ATP13A3: variants seen among roughly 807,000 people sequenced by gnomAD.
ATP13A3 encodes the protein ATPase 13A3, also known as polyamine-transporting ATPase 13A3.
A neutral mutation model predicts 158.1 loss-of-function variants in ATP13A3; 59 were observed. The observed-to-expected ratio is 0.37, with a 90% CI of 0.30 to 0.46. The LOEUF (loss-of-function observed/expected upper bound fraction) is 0.46. ATP13A3 is among the 20% of genes least tolerant of loss of function. ATP13A3 has a pLI of 1.00. For synonymous variants in ATP13A3, 491 were observed against 504.3 expected (o/e 0.97, Z 0.35); for missense variants, 1,166 against 1,525.2 (o/e 0.76, Z 3.92).
chr3:194,438,943 T>C lies in ATP13A3; in HGVS notation c.1740A>G (p.Thr580=). The part of the protein sequence containing the change: ...WILEEATEEE[T]ALHNRIMPTV... Reference sequence around the variant, plus strand: ...TGGGCATAATTCGATTATGAAGTGCTGTTTCTTCTTCAGTTGCTTCTTCCA... The same window carrying C: ...TGGGCATAATTCGATTATGAAGTGCCGTTTCTTCTTCAGTTGCTTCTTCCA... Residue 580 remains threonine (T), a synonymous_variant, in exon 17 of 34, where the codon ACA becomes ACG. Transcript: ENST00000645319. 6.2e-7 allele frequency: 1 copy of C among 1,600,374 alleles called. No homozygotes were observed. The highest frequency in any genetic ancestry group is 1.1e-5 in the South Asian group (1 of 87,372).
At chr3:194,432,376 G>C (rs1052026699) in intron 21 of ATP13A3, among the ~76,000 whole-genome samples, 5 of 152,194 alleles carry the variant, frequency 3.3e-5, no homozygotes, top group African/African-American at 7.2e-5. Flanking sequence ...AGAAACAAGA[G>C]AGACAACTTC....
intron 20 of ATP13A3, 41 bp from the exon 21 acceptor site, chr3:194,433,937 T>C (rs1229071804): frequency 2.5e-6 from 4 of 1,584,610 alleles, no homozygotes; most frequent in Non-Finnish European, 1.7e-6. Flanking sequence ...GTTTAGTCAA[T>C]TGAGTAAGCA....
chr3:194,454,276 T>C lies in ATP13A3; in HGVS notation c.747A>G (p.Ser249=). 1.2e-6 allele frequency: 2 copies of C among 1,605,198 alleles called. No homozygotes were observed. Among genetic ancestry groups the C allele is most frequent in the Non-Finnish European group, 1.7e-6 (2 of 1,174,262 alleles). The part of the protein sequence containing the change: ...VVMSIVSIVS[S]LYSIRKQYVM... The stretch of plus-strand genomic sequence containing the variant: ...AACTTACCTTTCTAATGGAATATAG[T>C]GAGCTTACGATTGATACTATGGACA... Residue 249 remains serine, a synonymous_variant, in exon 9 of 34, where the codon TCA becomes TCG. Transcript: ENST00000645319.
At chr3:194,483,589 C>CA (rs5855582) in intron 2 of ATP13A3, among the ~76,000 whole-genome samples, 56,220 of 151,486 alleles carry the variant, frequency 0.37, 14,395 homozygotes, top group African/African-American at 0.74. Flanking sequence ...GACCCTATCT[C>CA]AAAAAAACTC....
chr3:194,459,582 T>A, intron 5 of ATP13A3, 41 bp from the exon 6 acceptor site: 1 of 1,483,856 alleles, frequency 6.7e-7, no homozygotes, highest in Non-Finnish European at 9.4e-7. Flanking sequence ...AAGCATATAA[T>A]CACTTGTGAT....
intron 28 of ATP13A3, 21 bp downstream of exon 28, chr3:194,428,824 A>C (rs192296073): frequency 3.9e-6 from 6 of 1,538,064 alleles, no homozygotes; most frequent in Non-Finnish European, 5.3e-6. Context: ...TTAAAAATCA[A>C]TAACAAAGCA....
chr3:194,476,250 TTCTCTTTGTAACAA>T (rs1457192338), intron 2 of ATP13A3, among the ~76,000 whole-genome samples: 1 of 152,106 alleles, frequency 6.6e-6, no homozygotes, highest in Non-Finnish European at 1.5e-5. Context: ...CCTCAGGCTC[TTCTCTTTGTAACAA>T]TCTCATCAGG....
intron 2 of ATP13A3, among the ~76,000 whole-genome samples, chr3:194,474,264 G>A (rs1014236451): frequency 6.6e-6 from 1 of 151,984 alleles, no homozygotes; most frequent in East Asian, 1.9e-4. Flanking sequence ...CTCAGCTCAA[G>A]GGATGCTCCC....
chr3:194,449,030 C>A (rs1718600871), intron 11 of ATP13A3, among the ~76,000 whole-genome samples: 1 of 147,716 alleles, frequency 6.8e-6, no homozygotes, highest in Admixed American at 6.8e-5. Flanking sequence ...TGAGGGCCTA[C>A]CCCGATCCAC....
chr3:194,429,307 A>G (rs1717045596), intron 27 of ATP13A3, among the ~76,000 whole-genome samples: 1 of 152,198 alleles, frequency 6.6e-6, no homozygotes, highest in Non-Finnish European at 1.5e-5. Context: ...GTAAATTAGT[A>G]TCTTCATCTA....
chr3:194,419,934 A>G lies in ATP13A3; in HGVS notation c.3347T>C (p.Ile1116Thr), dbSNP rs1270099492. 8.4e-6 allele frequency: 13 copies of G among 1,538,846 alleles called. No homozygotes were observed. Among genetic ancestry groups the G allele is most frequent in the Non-Finnish European group, 1.0e-5 (12 of 1,152,512 alleles). ...FFVFSVIFLY[I>T]FILFIMLYPV... is the part of the protein sequence containing the mutation. Reference sequence around the variant, plus strand: ...ATACAACATGATGAATAATATAAAAATATATAAAAAAATCACAGAAAAAAC... The same window carrying G: ...ATACAACATGATGAATAATATAAAAGTATATAAAAAAATCACAGAAAAAAC... Residue 1116 changes from isoleucine to threonine, a missense_variant, in exon 31 of 34, where the codon ATT (isoleucine) becomes ACT (threonine). By Grantham distance (89) the Ile-to-Thr change is moderately conservative. Coordinates refer to ENST00000645319, the MANE Select transcript of ATP13A3 (RefSeq NM_001367549.1).
intron 6 of ATP13A3, among the ~76,000 whole-genome samples, chr3:194,458,880 TTTC>T (rs1319882682): frequency 1.5e-4 from 23 of 152,308 alleles, no homozygotes; most frequent in African/African-American, 5.5e-4. Flanking sequence ...ATAACATGAT[TTTC>T]TTTTTACCGC....
Position 194,448,659 on chromosome 3 carries a change from CA to C in ATP13A3, c.971-24del, listed in dbSNP as rs1718574724. ...CTCCTTTAAAAAACAACAACAACAA[CA>C]AAAACAGTTTACAAATTATTAAACG... On this transcript the variant is annotated intron_variant, in intron 11 of 33. Transcript: ENST00000645319. The surrounding 1 kb of genome is among the most constrained non-coding windows in gnomAD (Gnocchi z 4.0). 7 of 1,592,156 alleles carry C rather than the reference CA, an allele frequency of 4.4e-6. No homozygotes were observed. Among genetic ancestry groups the C allele is most frequent in the Non-Finnish European group, 5.1e-6 (6 of 1,170,594 alleles).
chr3:194,441,534 G>A (rs1718051849), intron 15 of ATP13A3, 73 bp from the exon 16 acceptor site: 1 of 1,357,690 alleles, frequency 7.4e-7, no homozygotes, highest in Non-Finnish European at 1.0e-6. Flanking sequence ...GGGCTTTTCT[G>A]GTTTTGTAAT....
intron 33 of ATP13A3, among the ~76,000 whole-genome samples, chr3:194,410,331 A>ACAAAAAAACC (rs1553794196): frequency 6.0e-5 from 8 of 133,046 alleles, no homozygotes; most frequent in African/African-American, 2.0e-4. Flanking sequence ...AAAAAAAAAA[A>ACAAAAAAACC]CTGCTGGGCC....
intron 16 of ATP13A3, 136 bp from the exon 17 acceptor site, chr3:194,439,108 G>T: frequency 1.8e-6 from 1 of 551,972 alleles, no homozygotes; most frequent in Non-Finnish European, 3.1e-6. Flanking sequence ...TATGTCCAAG[G>T]AACAAATGAG....
At chr3:194,488,420 G>A (rs1721086667), upstream of ATP13A3, 1 of 152,350 alleles carries the variant, frequency 6.6e-6, no homozygotes, top group Admixed American at 6.5e-5. This position sits in a 1 kb window ranked among gnomAD's most constrained non-coding sequence, Gnocchi z 4.1. Context: ...TCCTCCTGAA[G>A]TGCTCCCTCC....
At chr3:194,468,471 A>G (rs888814069) in intron 2 of ATP13A3, among the ~76,000 whole-genome samples, 1 of 152,020 alleles carries the variant, frequency 6.6e-6, no homozygotes, top group Non-Finnish European at 1.5e-5. Context: ...CCAATTTTTG[A>G]AAGTTTACTT....
At chr3:194,437,996 C>G (rs1292597575) in intron 17 of ATP13A3, among the ~76,000 whole-genome samples, 1 of 152,126 alleles carries the variant, frequency 6.6e-6, no homozygotes, top group African/African-American at 2.4e-5. Flanking sequence ...CCCATCTCTA[C>G]TAAAAATACA....
Sources: allele counts gnomAD v4.1 joint callset (sites outside exome capture counted in the v4.1 genomes callset), GRCh38; gene constraint gnomAD v4.1.1; non-coding constraint Gnocchi (gnomAD v3.1); transcripts MANE v1.5; gene names NCBI Gene and HGNC (gene_info 2026-07-23, HGNC 2026-07-21).